The following LACC1 variants were observed in gnomAD, a reference collection of about 807,000 sequenced individuals.
The protein encoded by LACC1 is purine nucleoside phosphorylase LACC1.
A neutral mutation model predicts 34.8 loss-of-function variants in LACC1; 25 were observed. The ratio of observed to expected loss-of-function variants is 0.72; its 90% confidence interval spans 0.52 to 1.00. The LOEUF (loss-of-function observed/expected upper bound fraction) is 1.00, where lower values mean the gene tolerates loss of function less well. Ranked by LOEUF, LACC1 falls within the 50% of genes least tolerant of loss-of-function variation. The pLI, the probability that LACC1 is intolerant of heterozygous loss-of-function variation, is 0.00. For missense variants in LACC1, 426 were observed against 511.2 expected, an observed-to-expected ratio of 0.83 and a Z score of 1.61; for synonymous variants, 162 against 168.0, an observed-to-expected ratio of 0.96 and a Z score of 0.28.
At chr13:43,882,416 T>C (rs914533827) in intron 3 of LACC1, 53 bp downstream of exon 3, 6 of 1,366,156 alleles carry the variant, frequency 4.4e-6, no homozygotes, top group Non-Finnish European at 6.0e-6. Context: ...TTTACTTTGC[T>C]AGTAACTACA....
chr13:43,891,329 C>T (rs1454255553), intron 6 of LACC1, 120 bp from the exon 7 acceptor site: 1 of 309,272 alleles, frequency 3.2e-6, no homozygotes, highest in Non-Finnish European at 4.7e-6. Context: ...ATTTTTTACT[C>T]TTTACAATGT....
At chr13:43,881,935 C>T (rs1955083407) in intron 2 of LACC1, among the ~76,000 whole-genome samples, 2 of 152,272 alleles carry the variant, frequency 1.3e-5, no homozygotes, top group South Asian at 4.1e-4. Context: ...ACAGTATTTT[C>T]TGTGAGCTAT....
intron 2 of LACC1, 109 bp from the exon 3 acceptor site, chr13:43,882,076 A>G (rs1191153628): frequency 1.5e-5 from 12 of 779,064 alleles, no homozygotes; most frequent in Admixed American, 8.7e-5. Flanking sequence ...ATGCCATAGA[A>G]ATTAGAAGCC....
At chr13:43,887,102 A>C (rs923551468) in intron 4 of LACC1, among the ~76,000 whole-genome samples, 2 of 152,152 alleles carry the variant, frequency 1.3e-5, no homozygotes, top group African/African-American at 4.8e-5. Flanking sequence ...TCATTATGTC[A>C]AAAACTCAAC....
rs187313507 is a variant in LACC1, at chr13:43,893,532, T to G, written c.*2085T>G. ...AATACAGTTGTAGCCCTCAGGATAT[T>G]TAATATCCAGTGAAAAGTGACAGTC... On this transcript the variant is annotated 3_prime_UTR_variant, in exon 7 of 7. Coordinates refer to ENST00000325686, the MANE Select transcript of LACC1 (RefSeq NM_153218.4). 1 of 152,086 alleles carries G rather than the reference T, an allele frequency of 6.6e-6. No homozygotes were observed. The highest frequency in any genetic ancestry group is 1.5e-5 in the Non-Finnish European group (1 of 67,848). 9.4% of individuals were successfully genotyped at this position (152,086 alleles called of 1,614,324 possible).
In LACC1 at chr13:43,881,056, T is replaced by A; in HGVS notation, c.71T>A (p.Leu24Ter). The A allele has an allele frequency of 6.2e-7, 1 of 1,614,206 alleles. No homozygotes were observed. The highest frequency in any genetic ancestry group is 8.5e-7 in the Non-Finnish European group (1 of 1,180,018). The change falls in exon 2 of 7, where the codon TTA (leucine) becomes TAA (stop). Residue 24 changes from leucine (L) to a stop codon, truncating the protein, a stop_gained. Transcript: ENST00000325686. LOFTEE classifies it high-confidence loss of function. ...LNSQKNCHQTLLKTLNAVQYH... is the reference protein window; with the variant it reads ...LNSQKNCHQT ...TCTCAAAAAAACTGCCATCAGACATTACTGAAGACTTTGAATGCTGTCCAA... is the reference window on the plus strand; with the variant it reads ...TCTCAAAAAAACTGCCATCAGACATAACTGAAGACTTTGAATGCTGTCCAA...
intron 4 of LACC1, among the ~76,000 whole-genome samples, chr13:43,887,035 A>C (rs983898409): frequency 1.3e-5 from 2 of 152,170 alleles, no homozygotes; most frequent in African/African-American, 4.8e-5. Context: ...CAAAATGCCT[A>C]TATCTAGTTG....
At chr13:43,883,032 A>T (rs959860756) in intron 3 of LACC1, among the ~76,000 whole-genome samples, 2 of 152,090 alleles carry the variant, frequency 1.3e-5, no homozygotes, top group Admixed American at 1.3e-4. Context: ...CTTCTTTGGG[A>T]TGTGGGAGGA....
In LACC1 at chr13:43,881,344, A is replaced by G. The variant is rs758994966; in HGVS notation, c.359A>G (p.Asp120Gly). 6.8e-6 allele frequency: 11 copies of G among 1,613,864 alleles called. No individual in the cohort carries two copies. Among genetic ancestry groups the G allele is most frequent in the African/African-American group, 5.3e-5 (4 of 74,884 alleles). ...AAGACATTAATGAAAGCTTTTATTG[A>G]TCAACTCTTCACTGATGTTTACAAT... ...HRKTLMKAFI[D>G]QLFTDVYNFE... Residue 120 changes from aspartate (D) to glycine (G), a missense_variant, in exon 2 of 7, where the codon GAT (aspartate) becomes GGT (glycine). By Grantham distance (94) the Asp-to-Gly change is moderately conservative. Around this residue, in one of 2 missense-constraint regions of LACC1, gnomAD observed 217 missense variants for 210.9 expected, o/e 1.03. Transcript: ENST00000325686.
chr13:43,888,418 G>C (rs1339233602), intron 4 of LACC1, among the ~76,000 whole-genome samples: 1 of 152,076 alleles, frequency 6.6e-6, no homozygotes, highest in Non-Finnish European at 1.5e-5. Context: ...ACTTAGAATA[G>C]TATTTTTTTG....
At chr13:43,880,577 C>G (rs1954961901) in intron 1 of LACC1, among the ~76,000 whole-genome samples, 2 of 152,166 alleles carry the variant, frequency 1.3e-5, no homozygotes, top group Non-Finnish European at 2.9e-5. Flanking sequence ...AGGATGAGAC[C>G]TAATATGACA....
intron 5 of LACC1, 96 bp from the exon 6 acceptor site, chr13:43,890,018 G>A (rs1208415744): frequency 9.5e-7 from 1 of 1,050,790 alleles, no homozygotes; most frequent in Non-Finnish European, 1.4e-6. Context: ...ATCTTTCCTG[G>A]AACTTTTTCA....
In LACC1 at chr13:43,891,874, A is replaced by G. The variant is rs1955579386; in HGVS notation, c.*427A>G. On this transcript the variant is annotated 3_prime_UTR_variant, in exon 7 of 7. Coordinates refer to ENST00000325686, the MANE Select transcript of LACC1 (RefSeq NM_153218.4). ...ACTTAAATTTAATTTTAATAGCAGT[A>G]GAAGAGAACATAAGGAATAGAGGTT... 1 of 152,262 alleles carries G rather than the reference A, an allele frequency of 6.6e-6. No individual in the cohort carries two copies. The highest frequency in any genetic ancestry group is 2.4e-5 in the African/African-American group (1 of 41,462). 9.4% of individuals were successfully genotyped at this position (152,262 alleles called of 1,614,324 possible).
intron 1 of LACC1, 31 bp from the exon 2 acceptor site, chr13:43,880,921 C>G (rs1954988204): frequency 3.8e-6 from 5 of 1,332,104 alleles, no homozygotes; most frequent in Non-Finnish European, 5.2e-6. Flanking sequence ...TTTATATAAT[C>G]TTATATTCTT....
chr13:43,890,292 T>G lies in LACC1; in HGVS notation c.*1+18T>G. ...AGAATGAGGTACAGTAGGTTTTCTCTCCTCTCTCCGTTTTTCCTCTCTTTC... is the reference window on the plus strand; with the variant it reads ...AGAATGAGGTACAGTAGGTTTTCTCGCCTCTCTCCGTTTTTCCTCTCTTTC... On this transcript the variant is annotated intron_variant, in intron 6 of 6. Transcript: ENST00000325686. The G allele has an allele frequency of 6.3e-7, 1 of 1,599,334 alleles. No homozygotes were observed. Among genetic ancestry groups the G allele is most frequent in the African/African-American group, 1.3e-5 (1 of 74,416 alleles).
Position 43,891,994 on chromosome 13 carries a change from C to A in LACC1, c.*547C>A, listed in dbSNP as rs1279836187. 1.3e-5 allele frequency: 2 copies of A among 151,834 alleles called. No individual in the cohort carries two copies. Among genetic ancestry groups the A allele is most frequent in the Non-Finnish European group, 2.9e-5 (2 of 67,944 alleles). 9.4% of individuals were successfully genotyped at this position (151,834 alleles called of 1,614,324 possible). ...GTAGAGGTTTTTGACAAATGAAGAA[C>A]AACCATAACAGGTAGAGGGAACACC... On this transcript the variant is annotated 3_prime_UTR_variant, in exon 7 of 7. Coordinates refer to ENST00000325686, the MANE Select transcript of LACC1 (RefSeq NM_153218.4).
chr13:43,889,877 T>C (rs1205057886), intron 5 of LACC1: 1 of 409,872 alleles, frequency 2.4e-6, no homozygotes, highest in Non-Finnish European at 4.3e-6. Flanking sequence ...AGATTATGTC[T>C]ATAAGACAAT....
chr13:43,886,109 A>G lies in LACC1; in HGVS notation c.907+2173A>G, dbSNP rs1280444164. 3.3e-5 allele frequency among the ~76,000 whole-genome samples: 5 copies of G among 152,170 alleles called. No homozygotes were observed. In the South Asian group the frequency reaches 8.3e-4, roughly 25 times the overall value. ...TATAAAAAAAGTCAAAAAACAACAG[A>G]TGTTGGTGAGATTGTGGAGAAAAGG... On this transcript the variant is annotated intron_variant, in intron 4 of 6. Transcript: ENST00000325686.
chr13:43,880,479 A>G (rs1954952790), intron 1 of LACC1, among the ~76,000 whole-genome samples: 1 of 152,200 alleles, frequency 6.6e-6, no homozygotes, highest in Non-Finnish European at 1.5e-5. Flanking sequence ...AGGGAACTCT[A>G]TTAGCCATCT....
Sources: gnomAD v4.1 joint callset for allele counts (sites outside exome capture counted in the v4.1 genomes callset) on GRCh38, gnomAD v4.1.1 for gene constraint, gnomAD v4.1.1 regional missense constraint, MANE v1.5 for transcripts, NCBI Gene and HGNC (gene_info 2026-07-23, HGNC 2026-07-21) for gene names.